Variants in CAP2 observed in about 807,000 individuals in gnomAD.
CAP2 encodes cyclase associated actin cytoskeleton regulatory protein 2.
A neutral mutation model predicts 57.7 loss-of-function variants in CAP2; 24 were observed. That is an observed-to-expected ratio of 0.42 (90% CI 0.30 to 0.58). The LOEUF (loss-of-function observed/expected upper bound fraction) is 0.58. Ranked by LOEUF, CAP2 falls within the 20% of genes least tolerant of loss-of-function variation. CAP2 has a pLI of 0.22. For synonymous variants in CAP2, 194 were observed against 207.2 expected (o/e 0.94, Z 0.55); for missense variants, 501 against 590.3 (o/e 0.85, Z 1.57).
At chr6:17,516,936 ATTG>A (rs934577785) in intron 7 of CAP2, among the ~76,000 whole-genome samples, 2 of 152,132 alleles carry the variant, frequency 1.3e-5, no homozygotes, top group African/African-American at 4.8e-5. Flanking sequence ...AACTAAGCGG[ATTG>A]TTTTTTTTTT....
intron 3 of CAP2, among the ~76,000 whole-genome samples, chr6:17,437,435 T>G (rs1234835522): frequency 6.6e-6 from 1 of 152,220 alleles, no homozygotes; most frequent in Non-Finnish European, 1.5e-5. Context: ...TCATCAGCAA[T>G]GGATGAGTGT....
intron 3 of CAP2, among the ~76,000 whole-genome samples, chr6:17,461,661 A>G (rs1208546642): frequency 6.6e-6 from 1 of 151,898 alleles, no homozygotes; most frequent in Non-Finnish European, 1.5e-5. Context: ...TGATCTGGAT[A>G]TTTTTTCTTG....
intron 4 of CAP2, among the ~76,000 whole-genome samples, chr6:17,502,800 C>T (rs908969101): frequency 1.3e-5 from 2 of 152,118 alleles, no homozygotes; most frequent in Non-Finnish European, 2.9e-5. Context: ...TCAAAAATGT[C>T]ATTACATTAA....
At chr6:17,482,494 C>G in intron 4 of CAP2, among the ~76,000 whole-genome samples, 1 of 116,792 alleles carries the variant, frequency 8.6e-6, no homozygotes, top group African/African-American at 3.5e-5. Context: ...GGTGAGAGAG[C>G]GAGACTCCAT....
intron 7 of CAP2, among the ~76,000 whole-genome samples, chr6:17,533,638 G>A (rs776121665): frequency 8.0e-5 from 12 of 149,704 alleles, no homozygotes; most frequent in Admixed American, 1.3e-4. Context: ...GCGTGATCTC[G>A]GCTCACTGCA....
intron 3 of CAP2, among the ~76,000 whole-genome samples, chr6:17,442,016 C>CAA (rs1760093805): frequency 3.3e-5 from 5 of 152,088 alleles, no homozygotes; most frequent in Admixed American, 2.6e-4. Context: ...CTCGTTATTG[C>CAA]CTGTACAAAC....
intron 3 of CAP2, among the ~76,000 whole-genome samples, chr6:17,458,120 T>C (rs1760625437): frequency 6.6e-6 from 1 of 152,214 alleles, no homozygotes; most frequent in Non-Finnish European, 1.5e-5. Context: ...CTGAAATATA[T>C]GTTTTGATAC....
intron 3 of CAP2, among the ~76,000 whole-genome samples, chr6:17,433,759 T>C (rs73369405): frequency 0.024 from 3,634 of 152,330 alleles, 103 homozygotes; most frequent in African/African-American, 0.066. Flanking sequence ...ATTCTCAGCG[T>C]AGAACACATA....
At chr6:17,494,885 G>A (rs540107515) in intron 4 of CAP2, among the ~76,000 whole-genome samples, 3 of 152,308 alleles carry the variant, frequency 2.0e-5, no homozygotes, top group East Asian at 3.9e-4. Flanking sequence ...CCTCCCTTAA[G>A]TAAGAGAGAA....
chr6:17,449,269 C>T (rs1040084648), intron 3 of CAP2, among the ~76,000 whole-genome samples: 15 of 151,944 alleles, frequency 9.9e-5, no homozygotes, highest in Non-Finnish European at 1.3e-4. Flanking sequence ...CTAGCTCTAC[C>T]CTGGTCCTAT....
chr6:17,447,065 C>T (rs1201725857), intron 3 of CAP2, among the ~76,000 whole-genome samples: 5 of 152,078 alleles, frequency 3.3e-5, no homozygotes, highest in African/African-American at 9.7e-5. Flanking sequence ...CTCTGTCACC[C>T]AGGCTGGAGT....
At position 17,487,406 on chromosome 6, in the gene CAP2, T is replaced by C. The variant is rs550982765; in HGVS notation, c.301-19763T>C. On this transcript the variant is annotated intron_variant, in intron 4 of 12. Transcript: ENST00000229922. ...CCTCTCAGAGCTCCCCAAGAGCAAA[T>C]GCCTGTCTGGCTCAGCAGCCTCATC... Among the ~76,000 whole-genome samples, 249 of 152,098 alleles carry C rather than the reference T, an allele frequency of 1.6e-3. 1 individual carries two copies. Among genetic ancestry groups the C allele is most frequent in the African/African-American group, 5.7e-3 (235 of 41,426 alleles).
At chr6:17,550,733 C>T (rs952715304) in intron 11 of CAP2, among the ~76,000 whole-genome samples, 1 of 151,950 alleles carries the variant, frequency 6.6e-6, no homozygotes, top group Non-Finnish European at 1.5e-5. Flanking sequence ...AATTTAAAAC[C>T]GATCAGAATT....
At chr6:17,469,595 GGA>G (rs571961064) in intron 4 of CAP2, among the ~76,000 whole-genome samples, 3 of 151,974 alleles carry the variant, frequency 2.0e-5, no homozygotes, top group Non-Finnish European at 4.4e-5. Context: ...TCCATAAGGG[GGA>G]GAGAGAGAGA....
rs761701506 is a variant in CAP2, at chr6:17,542,951, A to G, written c.1117A>G (p.Ile373Val). 5 of 1,613,812 alleles carry G rather than the reference A, an allele frequency of 3.1e-6. No homozygotes were observed. In the South Asian group the frequency reaches 3.3e-5, roughly 11 times the overall value. Residue 373 changes from isoleucine (I) to valine (V), a missense_variant, in exon 10 of 13, where the codon ATT becomes GTT. Coordinates refer to ENST00000229922, the MANE Select transcript of CAP2 (RefSeq NM_006366.3). Reference sequence around the variant, plus strand: ...TCAGATAAAAGGGAAAGTAAACTCCATTATAATTGGTAGGGCAGAATTATG... The same window carrying G: ...TCAGATAAAAGGGAAAGTAAACTCCGTTATAATTGGTAGGGCAGAATTATG... ...TIQIKGKVNSIIIDNCKKLGL... is the reference protein window; with the variant it reads ...TIQIKGKVNSVIIDNCKKLGL...
chr6:17,394,753 A>G (rs549935278), intron 1 of CAP2, among the ~76,000 whole-genome samples: 1 of 152,312 alleles, frequency 6.6e-6, no homozygotes, highest in Admixed American at 6.5e-5. Context: ...ACTTAGTGTA[A>G]AATTACAACG....
At chr6:17,436,145 G>C (rs1350499124) in intron 3 of CAP2, among the ~76,000 whole-genome samples, 1 of 123,358 alleles carries the variant, frequency 8.1e-6, no homozygotes, top group Non-Finnish European at 1.7e-5. Context: ...TTCCTTTCTT[G>C]ATAGAGTCTC....
At chr6:17,519,893 T>C (rs1762351736) in intron 7 of CAP2, among the ~76,000 whole-genome samples, 1 of 152,248 alleles carries the variant, frequency 6.6e-6, no homozygotes, top group Admixed American at 6.5e-5. Context: ...TAAAGAATTC[T>C]ATGATTAGGA....
chr6:17,427,321 C>T (rs1462445177), intron 3 of CAP2, among the ~76,000 whole-genome samples: 1 of 152,142 alleles, frequency 6.6e-6, no homozygotes, highest in Non-Finnish European at 1.5e-5. Context: ...CTCTCCTTCC[C>T]ACTGTGATGG....
Sources: gnomAD v4.1 joint callset for allele counts (sites outside exome capture counted in the v4.1 genomes callset) on GRCh38, gnomAD v4.1.1 for gene constraint, MANE v1.5 for transcripts, NCBI Gene and HGNC (gene_info 2026-07-23, HGNC 2026-07-21) for gene names.